Variants in TAX1BP1 observed in about 807,000 individuals in gnomAD.
TAX1BP1 encodes the protein Tax1 binding protein 1.
Under a neutral mutation model 97.7 loss-of-function variants are expected in TAX1BP1, and 62 were observed. The observed-to-expected ratio is 0.63, with a 90% confidence interval of 0.52 to 0.78. TAX1BP1 has a LOEUF of 0.78. Ranked by LOEUF, TAX1BP1 falls within the 30% of genes least tolerant of loss-of-function variation. TAX1BP1 has a pLI of 0.00. For missense variants in TAX1BP1, 867 were observed against 916.1 expected (o/e 0.95, Z 0.69); for synonymous variants, 340 against 304.2 (o/e 1.12, Z -1.23).
In TAX1BP1 at chr7:27,816,354, TA is replaced by T; in HGVS notation, c.1774del (p.Arg592GlyfsTer3). ...AEVQDNYKEL[K>X]RSLENPAERK... The stretch of plus-strand genomic sequence containing the variant: ...TTTGTTTTTGTTAATTTTAGGAACT[TA>T]AAAGGAGTCTAGAAAATCCAGCAGA... On this transcript the variant is annotated frameshift_variant, in exon 14 of 17. Transcript: ENST00000396319. LOFTEE classifies it high-confidence loss of function. The T allele has an allele frequency of 6.4e-7, 1 of 1,572,258 alleles. No homozygotes were observed. The highest frequency in any genetic ancestry group is 8.6e-7 in the Non-Finnish European group (1 of 1,167,962).
At chr7:27,743,539 A>C (rs1407859191) in intron 1 of TAX1BP1, among the ~76,000 whole-genome samples, 1 of 152,220 alleles carries the variant, frequency 6.6e-6, no homozygotes, top group Non-Finnish European at 1.5e-5. Flanking sequence ...TTTCTGCTAC[A>C]GTGGGTCATA....
intron 2 of TAX1BP1, among the ~76,000 whole-genome samples, chr7:27,754,068 A>C (rs1486470107): frequency 1.3e-5 from 2 of 152,214 alleles, no homozygotes; most frequent in Admixed American, 1.3e-4. Flanking sequence ...ACATGTTCAA[A>C]GTCACATTGC....
chr7:27,819,344 G>A (rs186116227), intron 15 of TAX1BP1, among the ~76,000 whole-genome samples: 1,842 of 152,116 alleles, frequency 0.012, 12 homozygotes, highest in Admixed American at 0.02. Flanking sequence ...GTTACTAATG[G>A]GATGTGTGTG....
chr7:27,783,720 CTG>C, intron 5 of TAX1BP1, among the ~76,000 whole-genome samples: 1 of 152,056 alleles, frequency 6.6e-6, no homozygotes, highest in East Asian at 1.9e-4. Context: ...TGGGTTAAAT[CTG>C]TAGTGTATTT....
At position 27,794,462 on chromosome 7, in the gene TAX1BP1, A is replaced by ACTTTTT. The variant is rs530820061; in HGVS notation, c.1534+17_1534+22dup. 334 of 1,596,464 alleles carry ACTTTTT rather than the reference A, an allele frequency of 2.1e-4. No individual in the cohort carries two copies. The African/African-American group carries it at 3.9e-3, about 18-fold the overall frequency. On this transcript the variant is annotated intron_variant, in intron 11 of 16. Transcript: ENST00000396319. ...CCTTCTGCAGGTAAAAATCTTTTAG[A>ACTTTTT]CTTTTTGTGTAGGGTGTCCTACATT... is the stretch of plus-strand genomic sequence containing the variant.
chr7:27,769,255 G>A (rs1430378224), intron 4 of TAX1BP1, among the ~76,000 whole-genome samples: 1 of 151,890 alleles, frequency 6.6e-6, no homozygotes, highest in Non-Finnish European at 1.5e-5. Flanking sequence ...ATACCATATA[G>A]TAAGTTTGTG....
intron 8 of TAX1BP1, among the ~76,000 whole-genome samples, chr7:27,790,953 G>T (rs944243010): frequency 6.6e-6 from 1 of 151,906 alleles, no homozygotes; most frequent in South Asian, 2.1e-4. Context: ...CTGCATAATC[G>T]CATTTATTTC....
At chr7:27,776,015 C>T (rs1583694230) in intron 5 of TAX1BP1, among the ~76,000 whole-genome samples, 1 of 152,096 alleles carries the variant, frequency 6.6e-6, no homozygotes, top group South Asian at 2.1e-4. Flanking sequence ...CTTTCTCTCT[C>T]TCCCCAGCTG....
intron 4 of TAX1BP1, among the ~76,000 whole-genome samples, chr7:27,766,955 C>T (rs1300932873): frequency 1.3e-5 from 2 of 152,224 alleles, no homozygotes; most frequent in East Asian, 1.9e-4. Context: ...AAGCTATTTA[C>T]TCCTTACTGT....
Position 27,792,177 on chromosome 7 carries a change from CAGTT to C in TAX1BP1, c.1213_1216del (p.Ala406MetfsTer8). On this transcript the variant is annotated frameshift_variant, in exon 9 of 17. Transcript: ENST00000396319. LOFTEE classifies it high-confidence loss of function. ...CTTGGAAAACGAGAAAGTGAAAAAGCAGTTAGCTGATGCAGTGGCAGAACTTAAA... is the reference window on the plus strand; with the variant it reads ...CTTGGAAAACGAGAAAGTGAAAAAGCAGCTGATGCAGTGGCAGAACTTAAA... 6.2e-7 allele frequency: 1 copy of C among 1,613,730 alleles called. No individual in the cohort carries two copies.
At chr7:27,757,470 C>G (rs567351460) in intron 2 of TAX1BP1, among the ~76,000 whole-genome samples, 15 of 152,100 alleles carry the variant, frequency 9.9e-5, no homozygotes, top group African/African-American at 3.6e-4. Flanking sequence ...AGGCAGATGT[C>G]TAAGTAAAAC....
At position 27,779,326 on chromosome 7, in the gene TAX1BP1, G is replaced by A. The variant is rs115097437; in HGVS notation, c.613-5837G>A. Among the ~76,000 whole-genome samples, 729 of 152,168 alleles carry A rather than the reference G, an allele frequency of 4.8e-3. 14 individuals are homozygous for A. The highest frequency in any genetic ancestry group is 0.017 in the African/African-American group (695 of 41,502). On this transcript the variant is annotated intron_variant, in intron 5 of 16. Transcript: ENST00000396319. ...TTTTGATTTTTGAGGCAAATATCTT[G>A]AGGCACTTTCTGACAAGTGCTTTGC...
intron 11 of TAX1BP1, among the ~76,000 whole-genome samples, chr7:27,795,328 T>G (rs983462628): frequency 6.6e-6 from 1 of 151,940 alleles, no homozygotes; most frequent in South Asian, 2.1e-4. Flanking sequence ...GTGTTCTTGG[T>G]GGGGTATGGT....
At chr7:27,787,772 G>A (rs771020215) in intron 8 of TAX1BP1, among the ~76,000 whole-genome samples, 169 bp downstream of exon 8, 1 of 152,026 alleles carries the variant, frequency 6.6e-6, no homozygotes, top group South Asian at 2.1e-4. Context: ...AAAATATTTT[G>A]CCATTCTTTG....
chr7:27,743,043 T>A (rs1583658782), intron 1 of TAX1BP1, among the ~76,000 whole-genome samples: 3 of 152,196 alleles, frequency 2.0e-5, no homozygotes, highest in Non-Finnish European at 2.9e-5. Flanking sequence ...AATAAACCTT[T>A]AGAAGAAGAT....
At chr7:27,779,754 C>T (rs953509653) in intron 5 of TAX1BP1, among the ~76,000 whole-genome samples, 3 of 152,112 alleles carry the variant, frequency 2.0e-5, no homozygotes, top group African/African-American at 7.2e-5. Flanking sequence ...GAGGGGATCG[C>T]AGATTTGCTT....
chr7:27,778,135 A>G (rs996013167), intron 5 of TAX1BP1, among the ~76,000 whole-genome samples: 2 of 152,122 alleles, frequency 1.3e-5, no homozygotes, highest in Non-Finnish European at 2.9e-5. Context: ...TTTCTATTCC[A>G]TGGTACTCAA....
chr7:27,752,924 A>G (rs1314066199), intron 2 of TAX1BP1, among the ~76,000 whole-genome samples: 1 of 152,212 alleles, frequency 6.6e-6, no homozygotes, highest in Admixed American at 6.5e-5. Context: ...TTCAAAATTA[A>G]CAACAGAGTT....
chr7:27,781,810 C>G (rs1296105662), intron 5 of TAX1BP1, among the ~76,000 whole-genome samples: 1 of 151,860 alleles, frequency 6.6e-6, no homozygotes, highest in African/African-American at 2.4e-5. Context: ...CCTCCAGCTC[C>G]TGGGTTCAGG....
Sources: gnomAD v4.1 joint callset for allele counts (sites outside exome capture counted in the v4.1 genomes callset) on GRCh38, gnomAD v4.1.1 for gene constraint, MANE v1.5 for transcripts, NCBI Gene and HGNC (gene_info 2026-07-23, HGNC 2026-07-21) for gene names.